The following KCNN2 variants were observed in gnomAD, a reference collection of about 807,000 sequenced individuals.
The protein encoded by KCNN2 is potassium calcium-activated channel subfamily N member 2, also known as small conductance calcium-activated potassium channel protein 2.
In KCNN2, 24 loss-of-function variants were observed where a neutral mutation model predicts 55.5. The ratio of observed to expected loss-of-function variants is 0.43; its 90% CI spans 0.31 to 0.61. The LOEUF (loss-of-function observed/expected upper bound fraction) is 0.61, where lower values mean the gene tolerates loss of function less well. KCNN2 is among the 20% of genes least tolerant of loss of function. KCNN2 has a pLI of 0.08. For synonymous variants in KCNN2, 431 were observed against 336.1 expected (o/e 1.28, Z -3.09); for missense variants, 754 against 853.6 (o/e 0.88, Z 1.45).
intron 2 of KCNN2, among the ~76,000 whole-genome samples, chr5:114,352,399 G>T (rs1249377819): frequency 1.4e-5 from 2 of 147,850 alleles, no homozygotes; most frequent in Non-Finnish European, 3.0e-5. Context: ...TCAATGATAT[G>T]TTCTGTTTTT....
chr5:114,361,445 C>G (rs2150044173), upstream of KCNN2, among the ~76,000 whole-genome samples: 1 of 152,354 alleles, frequency 6.6e-6, no homozygotes, highest in East Asian at 1.9e-4. Context: ...TCCCCACACG[C>G]TGCTGCACTG....
At chr5:114,384,793 A>G (rs1758226070) in intron 2 of KCNN2, among the ~76,000 whole-genome samples, 1 of 152,198 alleles carries the variant, frequency 6.6e-6, no homozygotes, top group East Asian at 1.9e-4. Context: ...CTGCACTGGA[A>G]GGGACCGGAT....
chr5:114,455,715 A>G (rs1430232237), intron 3 of KCNN2, among the ~76,000 whole-genome samples: 1 of 152,258 alleles, frequency 6.6e-6, no homozygotes, highest in East Asian at 1.9e-4. Flanking sequence ...GAAGGAAATT[A>G]AAAGTGCTAC....
chr5:114,158,295 C>G (rs1219561136), intron 1 of KCNN2, among the ~76,000 whole-genome samples: 1 of 152,146 alleles, frequency 6.6e-6, no homozygotes, highest in Non-Finnish European at 1.5e-5. Flanking sequence ...CCAGGTTTGT[C>G]AAAGATCAGA....
intron 2 of KCNN2, among the ~76,000 whole-genome samples, chr5:114,287,489 A>G (rs996226458): frequency 2.2e-4 from 34 of 152,162 alleles, no homozygotes; most frequent in African/African-American, 6.5e-4. Context: ...TCAGCAAACT[A>G]ACACAGGAAC....
chr5:114,456,671 C>A (rs1383374678), intron 3 of KCNN2, among the ~76,000 whole-genome samples: 1 of 152,142 alleles, frequency 6.6e-6, no homozygotes, highest in Non-Finnish European at 1.5e-5. Context: ...TTAAGAACAT[C>A]TGTGATTCAG....
chr5:114,166,403 G>A (rs1752914574), intron 1 of KCNN2, among the ~76,000 whole-genome samples: 1 of 152,138 alleles, frequency 6.6e-6, no homozygotes. Flanking sequence ...TTCGCGGTAT[G>A]TCTCTGATCA....
At chr5:114,285,828 A>T (rs1755734069) in intron 2 of KCNN2, among the ~76,000 whole-genome samples, 1 of 152,116 alleles carries the variant, frequency 6.6e-6, no homozygotes, top group Non-Finnish European at 1.5e-5. Flanking sequence ...TTGAGGTGAA[A>T]TTGCAGATAA....
chr5:114,495,079 A>G (rs778957705), intron 7 of KCNN2, among the ~76,000 whole-genome samples: 1 of 152,100 alleles, frequency 6.6e-6, no homozygotes, highest in Non-Finnish European at 1.5e-5. Flanking sequence ...TTGGCTACTC[A>G]GGAAATATAC....
chr5:114,307,836 A>G (rs1183798013), intron 2 of KCNN2, among the ~76,000 whole-genome samples: 1 of 152,126 alleles, frequency 6.6e-6, no homozygotes, highest in Non-Finnish European at 1.5e-5. Flanking sequence ...TGAACCATCC[A>G]GCAGCATATT....
chr5:114,349,459 G>A (rs779669830), intron 2 of KCNN2, among the ~76,000 whole-genome samples: 1 of 151,908 alleles, frequency 6.6e-6, no homozygotes, highest in African/African-American at 2.4e-5. Flanking sequence ...TTACCTTCAG[G>A]CTATGTGTAT....
chr5:114,061,741 C>T (rs565744826), intron 1 of KCNN2, among the ~76,000 whole-genome samples: 9 of 152,162 alleles, frequency 5.9e-5, no homozygotes, highest in Admixed American at 2.6e-4. Flanking sequence ...TCAATTTTAG[C>T]ACTGGCCTGG....
chr5:114,490,885 C>CT (rs34646843), intron 6 of KCNN2, among the ~76,000 whole-genome samples: 2 of 152,022 alleles, frequency 1.3e-5, no homozygotes, highest in African/African-American at 4.8e-5. Flanking sequence ...GTTTCTTTTT[C>CT]TTTTTTGGGG....
chr5:114,221,867 T>G (rs1754145306), intron 2 of KCNN2, among the ~76,000 whole-genome samples: 1 of 152,228 alleles, frequency 6.6e-6, no homozygotes, highest in Non-Finnish European at 1.5e-5. Context: ...TTTGGTGAGA[T>G]TAAGTATCAG....
chr5:114,408,261 A>G (rs1203375415), intron 3 of KCNN2, among the ~76,000 whole-genome samples: 3 of 147,902 alleles, frequency 2.0e-5, no homozygotes, highest in Middle Eastern at 6.9e-3. Context: ...ATGGGTTTAC[A>G]TGCTTTTTTG....
intron 1 of KCNN2, among the ~76,000 whole-genome samples, chr5:114,164,997 G>T (rs774537890): frequency 1.3e-5 from 2 of 152,156 alleles, no homozygotes; most frequent in Non-Finnish European, 2.9e-5. Context: ...AGACGAGTAA[G>T]GCACAGAAAG....
chr5:114,128,945 A>G (rs1020435768), intron 1 of KCNN2, among the ~76,000 whole-genome samples: 1 of 152,222 alleles, frequency 6.6e-6, no homozygotes, highest in Admixed American at 6.5e-5. Flanking sequence ...TCATTGTGTT[A>G]TGCTACATGT....
intron 1 of KCNN2, among the ~76,000 whole-genome samples, chr5:114,111,957 A>G (rs148386472): frequency 1.1e-3 from 164 of 149,376 alleles, no homozygotes; most frequent in Non-Finnish European, 1.7e-3. Flanking sequence ...ATACCATTTG[A>G]CCCAGCCATC....
chr5:114,292,437 G>T (rs377519245), intron 2 of KCNN2, among the ~76,000 whole-genome samples: 1 of 152,042 alleles, frequency 6.6e-6, no homozygotes, highest in Non-Finnish European at 1.5e-5. Flanking sequence ...AGCACCATTT[G>T]TTAAATAGGG....
Sources: gnomAD v4.1 joint callset for allele counts (sites outside exome capture counted in the v4.1 genomes callset) on GRCh38, gnomAD v4.1.1 for gene constraint, MANE v1.5 for transcripts, NCBI Gene and HGNC (gene_info 2026-07-23, HGNC 2026-07-21) for gene names.